Variants in MSRB3 observed in about 807,000 individuals in gnomAD.
MSRB3 encodes the protein methionine sulfoxide reductase B3, also known as methionine-R-sulfoxide reductase B3.
A neutral mutation model predicts 21.0 loss-of-function variants in MSRB3; 13 were observed. That is an observed-to-expected ratio of 0.62 (90% CI 0.40 to 0.98). MSRB3 has a LOEUF of 0.98. Ranked by LOEUF, MSRB3 falls within the 50% of genes least tolerant of loss-of-function variation. MSRB3 has a pLI of 0.00. For missense variants in MSRB3, 199 were observed against 230.3 expected (o/e 0.86, Z 0.88); for synonymous variants, 87 against 88.6 (o/e 0.98, Z 0.10).
rs532279393 is a variant in MSRB3 at position 65,294,760 on chromosome 12, A to G, written c.-51-13769A>G. On this transcript the variant is annotated intron_variant, in intron 1 of 6. Coordinates refer to ENST00000308259, the MANE Select transcript of MSRB3 (RefSeq NM_001031679.3). Reference sequence around the variant, plus strand: ...ATGACACTCTTTGTACTATAGTTTTATGTTCTTTTTGTGATTTTTTCCACC... The same window carrying G: ...ATGACACTCTTTGTACTATAGTTTTGTGTTCTTTTTGTGATTTTTTCCACC... Among the ~76,000 whole-genome samples the G allele has an allele frequency of 1.3e-4, 20 of 151,710 alleles. No individual in the cohort carries two copies. The South Asian group carries it at 3.3e-3, about 25-fold the overall frequency.
intron 4 of MSRB3, among the ~76,000 whole-genome samples, chr12:65,334,478 C>G (rs1451421547): frequency 6.6e-6 from 1 of 152,136 alleles, no homozygotes; most frequent in Non-Finnish European, 1.5e-5. Context: ...ATTTTAGTCA[C>G]TCTGGTTATT....
At chr12:65,318,003 C>T (rs1205616975) in intron 2 of MSRB3, among the ~76,000 whole-genome samples, 1 of 152,130 alleles carries the variant, frequency 6.6e-6, no homozygotes, top group African/African-American at 2.4e-5. Flanking sequence ...TGTGTGAGCA[C>T]TGTCTCTCAA....
At chr12:65,403,912 G>A (rs11519877) in intron 5 of MSRB3, among the ~76,000 whole-genome samples, 35,329 of 152,006 alleles carry the variant, frequency 0.23, 5,147 homozygotes, top group Non-Finnish European at 0.31. Flanking sequence ...ACCCTGCTTC[G>A]GCTCCCCCTC....
At chr12:65,425,931 A>C (rs929814758) in intron 5 of MSRB3, among the ~76,000 whole-genome samples, 65 of 152,226 alleles carry the variant, frequency 4.3e-4, no homozygotes, top group African/African-American at 1.5e-3. Flanking sequence ...ATCTTGGCTC[A>C]CTGAAACCTC....
intron 5 of MSRB3, among the ~76,000 whole-genome samples, chr12:65,423,889 G>T (rs1342233314): frequency 8.5e-5 from 13 of 152,108 alleles, no homozygotes; most frequent in Non-Finnish European, 1.9e-4. Context: ...CAATTCTTTG[G>T]AAGAGTTTGA....
intron 4 of MSRB3, among the ~76,000 whole-genome samples, chr12:65,343,508 AT>A (rs554404575): frequency 3.3e-5 from 5 of 152,040 alleles, no homozygotes; most frequent in Admixed American, 2.0e-4. Context: ...AAATGGATTG[AT>A]TTTTTTTAAC....
At chr12:65,429,771 T>C (rs182382775) in intron 5 of MSRB3, among the ~76,000 whole-genome samples, 1 of 152,256 alleles carries the variant, frequency 6.6e-6, no homozygotes, top group Admixed American at 6.5e-5. Flanking sequence ...AGCTATATCA[T>C]AATGAATTCA....
At chr12:65,451,441 T>C (rs560232908) in intron 5 of MSRB3, among the ~76,000 whole-genome samples, 3 of 152,252 alleles carry the variant, frequency 2.0e-5, no homozygotes, top group Non-Finnish European at 4.4e-5. Flanking sequence ...ATCCTGTGCA[T>C]ATCTAATTCA....
chr12:65,342,921 G>T (rs1379067617), intron 4 of MSRB3, among the ~76,000 whole-genome samples: 1 of 151,992 alleles, frequency 6.6e-6, no homozygotes, highest in Non-Finnish European at 1.5e-5. Context: ...AAAAGGTTTT[G>T]TACCAAATGT....
At chr12:65,353,747 T>A (rs1877196737) in intron 4 of MSRB3, among the ~76,000 whole-genome samples, 1 of 152,216 alleles carries the variant, frequency 6.6e-6, no homozygotes, top group Non-Finnish European at 1.5e-5. Flanking sequence ...TGTTATTATG[T>A]GTGAATTTGA....
At chr12:65,306,923 G>T in intron 1 of MSRB3, 4 of 985,838 alleles carry the variant, frequency 4.1e-6, no homozygotes, top group Non-Finnish European at 4.8e-6. Flanking sequence ...TGGCCACCGT[G>T]GTTGGTAGGC....
intron 1 of MSRB3, among the ~76,000 whole-genome samples, chr12:65,292,375 G>A (rs1317427281): frequency 6.6e-6 from 1 of 152,170 alleles, no homozygotes; most frequent in Non-Finnish European, 1.5e-5. Context: ...GGATATATGT[G>A]AATTACTTAG....
At chr12:65,459,746 A>G (rs1883240003) in intron 6 of MSRB3, among the ~76,000 whole-genome samples, 1 of 152,234 alleles carries the variant, frequency 6.6e-6, no homozygotes, top group East Asian at 1.9e-4. Flanking sequence ...AAAACCTCTA[A>G]GACAGTGGGA....
intron 4 of MSRB3, among the ~76,000 whole-genome samples, chr12:65,351,597 T>A (rs1183677913): frequency 6.8e-6 from 1 of 148,002 alleles, no homozygotes; most frequent in African/African-American, 2.6e-5. Context: ...GAGAGAAGAA[T>A]CAAATAGACA....
intron 5 of MSRB3, among the ~76,000 whole-genome samples, chr12:65,452,837 A>T (rs1196286424): frequency 6.6e-6 from 1 of 152,166 alleles, no homozygotes; most frequent in Non-Finnish European, 1.5e-5. Context: ...AAGAAAAAAA[A>T]ATTGCACCAG....
chr12:65,294,356 G>A (rs1402191083), intron 1 of MSRB3, among the ~76,000 whole-genome samples: 2 of 152,210 alleles, frequency 1.3e-5, no homozygotes, highest in Non-Finnish European at 2.9e-5. Flanking sequence ...CAATATTTGT[G>A]CATGAGATGA....
intron 1 of MSRB3, among the ~76,000 whole-genome samples, chr12:65,287,709 G>A (rs980425155): frequency 6.6e-6 from 1 of 152,130 alleles, no homozygotes; most frequent in African/African-American, 2.4e-5. Flanking sequence ...TGTGGGGTGT[G>A]AATATGCCTT....
intron 4 of MSRB3, among the ~76,000 whole-genome samples, chr12:65,353,162 G>C (rs1877141846): frequency 6.6e-6 from 1 of 152,132 alleles, no homozygotes; most frequent in African/African-American, 2.4e-5. Context: ...GTCAGTTTTG[G>C]AATAGGCGTG....
At chr12:65,374,701 T>C (rs1437742039) in intron 5 of MSRB3, among the ~76,000 whole-genome samples, 1 of 152,238 alleles carries the variant, frequency 6.6e-6, no homozygotes, top group African/African-American at 2.4e-5. Flanking sequence ...ATTTTCCATT[T>C]GATTATCATC....
Sources: allele counts gnomAD v4.1 joint callset (sites outside exome capture counted in the v4.1 genomes callset), GRCh38; gene constraint gnomAD v4.1.1; transcripts MANE v1.5; gene names NCBI Gene and HGNC (gene_info 2026-07-23, HGNC 2026-07-21).